Variants in FBXL7 observed in about 807,000 individuals in gnomAD.
FBXL7 encodes the protein F-box/LRR-repeat protein 7.
Under a neutral mutation model 38.3 loss-of-function variants are expected in FBXL7, and 12 were observed. The ratio of observed to expected loss-of-function variants is 0.31; its 90% CI spans 0.20 to 0.51. FBXL7 has a LOEUF of 0.51. FBXL7 is among the 20% of genes least tolerant of loss of function. The pLI is 0.98. For synonymous variants in FBXL7, 297 were observed against 300.9 expected (o/e 0.99, Z 0.13); for missense variants, 567 against 676.4 (o/e 0.84, Z 1.79).
At chr5:15,548,053 C>T (rs549821493) in intron 1 of FBXL7, among the ~76,000 whole-genome samples, 12 of 152,282 alleles carry the variant, frequency 7.9e-5, no homozygotes, top group African/African-American at 2.9e-4. Flanking sequence ...TCTAATTTCC[C>T]ATTTACATGA....
intron 2 of FBXL7, among the ~76,000 whole-genome samples, chr5:15,640,387 T>C (rs1000406608): frequency 1.3e-5 from 2 of 152,180 alleles, no homozygotes; most frequent in African/African-American, 4.8e-5. Context: ...GCAACTCTTC[T>C]TCTCTTTTAA....
At chr5:15,558,797 C>T (rs975169053) in intron 1 of FBXL7, among the ~76,000 whole-genome samples, 1 of 152,192 alleles carries the variant, frequency 6.6e-6, no homozygotes, top group African/African-American at 2.4e-5. Flanking sequence ...TATGGAGTCT[C>T]ATACATGAAT....
intron 2 of FBXL7, among the ~76,000 whole-genome samples, chr5:15,856,160 G>A (rs1739265205): frequency 6.6e-6 from 1 of 152,054 alleles, no homozygotes; most frequent in Admixed American, 6.6e-5. Flanking sequence ...CATGGTGGTG[G>A]CAAGAGAAAA....
chr5:15,587,579 T>G (rs1269765726), intron 1 of FBXL7, among the ~76,000 whole-genome samples: 1 of 152,224 alleles, frequency 6.6e-6, no homozygotes, highest in African/African-American at 2.4e-5. Context: ...AGACAGAGTA[T>G]GTGTAGTTAT....
chr5:15,735,224 T>G (rs1196561929), intron 2 of FBXL7, among the ~76,000 whole-genome samples: 1 of 152,204 alleles, frequency 6.6e-6, no homozygotes, highest in Non-Finnish European at 1.5e-5. Flanking sequence ...TGAGCCGCTG[T>G]GAAGTTTATT....
At chr5:15,894,191 G>GC (rs1741023144) in intron 2 of FBXL7, among the ~76,000 whole-genome samples, 2 of 152,240 alleles carry the variant, frequency 1.3e-5, no homozygotes, top group Admixed American at 1.3e-4. Flanking sequence ...AACTCAGGAG[G>GC]CAGAGATTGC....
At chr5:15,551,028 T>C (rs1189898806) in intron 1 of FBXL7, among the ~76,000 whole-genome samples, 1 of 152,222 alleles carries the variant, frequency 6.6e-6, no homozygotes, top group Non-Finnish European at 1.5e-5. Context: ...TTGAAGTAAA[T>C]GAAAATCCAC....
At chr5:15,653,031 T>C (rs1741763717) in intron 2 of FBXL7, among the ~76,000 whole-genome samples, 1 of 152,060 alleles carries the variant, frequency 6.6e-6, no homozygotes, top group Admixed American at 6.6e-5. Flanking sequence ...AAATTAAAAA[T>C]TAAAAACAAA....
At chr5:15,810,335 C>A (rs1737826050) in intron 2 of FBXL7, among the ~76,000 whole-genome samples, 1 of 151,920 alleles carries the variant, frequency 6.6e-6, no homozygotes, top group Admixed American at 6.6e-5. Flanking sequence ...CCGAGGTGGG[C>A]AGATCACTTG....
intron 2 of FBXL7, among the ~76,000 whole-genome samples, chr5:15,710,215 A>T (rs1743818848): frequency 6.6e-6 from 1 of 152,170 alleles, no homozygotes; most frequent in South Asian, 2.1e-4. Flanking sequence ...TGCAATACGG[A>T]TAAGATTCTA....
intron 2 of FBXL7, among the ~76,000 whole-genome samples, chr5:15,644,326 A>G (rs1056063906): frequency 7.8e-5 from 11 of 141,374 alleles, no homozygotes; most frequent in East Asian, 2.0e-4. Context: ...AAAAAAAAAA[A>G]AGGCCAGGCG....
chr5:15,717,059 G>A (rs1744061213), intron 2 of FBXL7, among the ~76,000 whole-genome samples: 1 of 152,160 alleles, frequency 6.6e-6, no homozygotes, highest in Non-Finnish European at 1.5e-5. Flanking sequence ...GCTTTGGTAT[G>A]ACTTTACCTA....
At chr5:15,597,972 T>A (rs190292422) in intron 1 of FBXL7, among the ~76,000 whole-genome samples, 1 of 152,308 alleles carries the variant, frequency 6.6e-6, no homozygotes, top group African/African-American at 2.4e-5. Context: ...GCTTAATGTA[T>A]CTCCTTTTAT....
At position 15,927,932 on chromosome 5, in the gene FBXL7, C is replaced by T; in HGVS notation, c.170C>T (p.Ala57Val). 1 of 1,556,908 alleles carries T rather than the reference C, an allele frequency of 6.4e-7. No individual in the cohort carries two copies. Among genetic ancestry groups the T allele is most frequent in the Non-Finnish European group, 8.7e-7 (1 of 1,150,246 alleles). ...CGCACACTGAGCACGCCCAGCCCAG[C>T]CCTGATATGTCCACCGAATCTCCCA... ...SMRTLSTPSP[A>V]LICPPNLPGF... is the part of the protein sequence containing the mutation. The change falls in exon 3 of 4, where the codon GCC becomes GTC. Residue 57 changes from alanine to valine, a missense_variant. Coordinates refer to ENST00000504595, the MANE Select transcript of FBXL7 (RefSeq NM_012304.5).
chr5:15,726,691 A>AAAATAAATAAATAAATAAAT (rs55752648), intron 2 of FBXL7, among the ~76,000 whole-genome samples: 33 of 141,426 alleles, frequency 2.3e-4, no homozygotes, highest in African/African-American at 5.8e-4. Context: ...ACTCCATCTC[A>AAAATAAATAAATAAATAAAT]AAATAAATAA....
At chr5:15,547,141 G>A (rs1342316700) in intron 1 of FBXL7, among the ~76,000 whole-genome samples, 1 of 152,194 alleles carries the variant, frequency 6.6e-6, no homozygotes, top group Non-Finnish European at 1.5e-5. Context: ...CCGAGGAGAG[G>A]TGCCTTGGAG....
At chr5:15,543,747 G>A (rs1413679030) in intron 1 of FBXL7, among the ~76,000 whole-genome samples, 1 of 152,154 alleles carries the variant, frequency 6.6e-6, no homozygotes, top group Admixed American at 6.5e-5. Flanking sequence ...AAAGGGCATC[G>A]GGTAGCAACA....
chr5:15,880,721 T>TTTTATATATA (rs1554030839), intron 2 of FBXL7, among the ~76,000 whole-genome samples: 75 of 143,360 alleles, frequency 5.2e-4, no homozygotes, highest in African/African-American at 1.9e-3. Context: ...ATATACTATA[T>TTTTATATATA]TATATATATA....
At chr5:15,669,230 A>G (rs1480571902) in intron 2 of FBXL7, among the ~76,000 whole-genome samples, 1 of 152,162 alleles carries the variant, frequency 6.6e-6, no homozygotes. Flanking sequence ...CCAAGTGTAG[A>G]ATGTTTTCTT....
Sources: allele counts gnomAD v4.1 joint callset (sites outside exome capture counted in the v4.1 genomes callset), GRCh38; gene constraint gnomAD v4.1.1; transcripts MANE v1.5; gene names NCBI Gene and HGNC (gene_info 2026-07-23, HGNC 2026-07-21).